The following DENND5B variants were observed in gnomAD, a reference collection of about 807,000 sequenced individuals.
DENND5B encodes DENN domain-containing protein 5B.
In DENND5B, 34 loss-of-function variants were observed where a neutral mutation model predicts 140.6. The ratio of observed to expected loss-of-function variants is 0.24; its 90% CI spans 0.18 to 0.32. DENND5B has a LOEUF of 0.32. Among genes scored for constraint, DENND5B ranks in the 10% least tolerant of loss-of-function variants. DENND5B has a pLI of 1.00. For missense variants in DENND5B, 1,142 were observed against 1,560.2 expected (o/e 0.73, Z 4.52); for synonymous variants, 551 against 562.1 (o/e 0.98, Z 0.28).
intron 4 of DENND5B, among the ~76,000 whole-genome samples, chr12:31,459,693 C>T (rs2617191): frequency 0.82 from 125,300 of 152,194 alleles, 52,264 homozygotes; most frequent in African/African-American, 0.96. Context: ...CCAAGCCAAG[C>T]TGACATTTAG....
chr12:31,584,759 T>G (rs1167629481), intron 1 of DENND5B, among the ~76,000 whole-genome samples: 1 of 151,974 alleles, frequency 6.6e-6, no homozygotes, highest in African/African-American at 2.4e-5. Flanking sequence ...CCAAGGAGAT[T>G]GAGGCTGCAA....
chr12:31,485,701 A>G (rs985898675), intron 2 of DENND5B, among the ~76,000 whole-genome samples: 1 of 150,082 alleles, frequency 6.7e-6, no homozygotes, highest in Non-Finnish European at 1.5e-5. Context: ...GTGACTTTTG[A>G]GCAGAGGCTA....
chr12:31,392,748 A>G (rs7975761), intron 17 of DENND5B, 52 bp from the exon 18 acceptor site: 805,666 of 1,495,412 alleles, frequency 0.54, 221,907 homozygotes, highest in East Asian at 0.85. Flanking sequence ...AATAAACCAA[A>G]GTACTATGGG....
chr12:31,402,450 A>G (rs764595828), intron 15 of DENND5B, 48 bp downstream of exon 15: 3 of 1,562,860 alleles, frequency 1.9e-6, no homozygotes, highest in African/African-American at 1.4e-5. Flanking sequence ...ATCATCTGTA[A>G]AACTACACGT....
chr12:31,576,505 GAAAGAAAAGAAA>G (rs1950023929), intron 1 of DENND5B, among the ~76,000 whole-genome samples: 1 of 151,402 alleles, frequency 6.6e-6, no homozygotes, highest in Non-Finnish European at 1.5e-5. Context: ...AGAAAAGAGA[GAAAGAAAAGAAA>G]AAAGAAAAAA....
At chr12:31,509,604 T>C (rs964466487) in intron 1 of DENND5B, among the ~76,000 whole-genome samples, 12 of 152,228 alleles carry the variant, frequency 7.9e-5, no homozygotes, top group African/African-American at 1.2e-4. Context: ...AATTTTGAGA[T>C]AGTTTATTAT....
intron 20 of DENND5B, among the ~76,000 whole-genome samples, chr12:31,388,268 G>T (rs1478489891): frequency 6.8e-6 from 1 of 147,998 alleles, no homozygotes; most frequent in Non-Finnish European, 1.5e-5. Flanking sequence ...AACATAACAG[G>T]GTGAGGAACA....
chr12:31,389,335 G>A lies in DENND5B; in HGVS notation c.3630C>T (p.Cys1210=), dbSNP rs1321576392. 1 of 1,612,200 alleles carries A rather than the reference G, an allele frequency of 6.2e-7. No homozygotes were observed. The highest frequency in any genetic ancestry group is 1.1e-5 in the South Asian group (1 of 90,374). The change falls in exon 20 of 21, where the codon TGC becomes TGT. Residue 1210 remains cysteine (C), a synonymous_variant. Transcript: ENST00000389082. ...GKDGKFQILV[C]LGTRDRLLPQ... ...AACTGGTTTTGTACCTTGTTCCAAG[G>A]CAAACTAAAATCTGGAATTTGCCAT...
At chr12:31,484,683 C>T (rs1260932978) in intron 2 of DENND5B, among the ~76,000 whole-genome samples, 1 of 152,010 alleles carries the variant, frequency 6.6e-6, no homozygotes, top group Non-Finnish European at 1.5e-5. Context: ...CACCTGTAGA[C>T]CCAGCTACTC....
chr12:31,448,839 G>T (rs111358212), intron 5 of DENND5B, among the ~76,000 whole-genome samples: 1 of 147,300 alleles, frequency 6.8e-6, no homozygotes. Context: ...TAGTGAAACC[G>T]CATTTCCAAA....
chr12:31,493,724 G>A (rs1032421331), intron 2 of DENND5B, among the ~76,000 whole-genome samples: 8 of 152,124 alleles, frequency 5.3e-5, no homozygotes, highest in African/African-American at 1.4e-4. Context: ...TCAGCTACTC[G>A]GGAGGCTGAG....
At chr12:31,588,979 G>A (rs188248766) in intron 1 of DENND5B, among the ~76,000 whole-genome samples, 49 of 152,270 alleles carry the variant, frequency 3.2e-4, no homozygotes, top group African/African-American at 9.6e-4. Flanking sequence ...ATCATAGTTT[G>A]TTTCTTAAAA....
At chr12:31,478,147 GACA>G (rs1171684019) in intron 3 of DENND5B, among the ~76,000 whole-genome samples, 1 of 152,078 alleles carries the variant, frequency 6.6e-6, no homozygotes, top group Non-Finnish European at 1.5e-5. Flanking sequence ...ATAACTTCCT[GACA>G]ACAAAAATTG....
At chr12:31,493,644 ATATGGTGAAACCCTGTCTC>A in intron 2 of DENND5B, among the ~76,000 whole-genome samples, 1 of 152,276 alleles carries the variant, frequency 6.6e-6, no homozygotes, top group East Asian at 1.9e-4. Context: ...AGCCTGGCCA[ATATGGTGAAACCCTGTCTC>A]TACTAAAAAT....
intron 1 of DENND5B, among the ~76,000 whole-genome samples, chr12:31,518,511 A>G (rs931606930): frequency 6.6e-6 from 1 of 152,118 alleles, no homozygotes; most frequent in African/African-American, 2.4e-5. Context: ...CACATACTCA[A>G]TAAAAATGGG....
At chr12:31,467,626 AAAAC>A (rs954002382) in intron 3 of DENND5B, among the ~76,000 whole-genome samples, 1 of 152,148 alleles carries the variant, frequency 6.6e-6, no homozygotes, top group African/African-American at 2.4e-5. Context: ...ATTTCAAAGA[AAAAC>A]AAAATAAGGT....
chr12:31,557,230 G>A (rs1275713601), intron 1 of DENND5B, among the ~76,000 whole-genome samples: 1 of 152,118 alleles, frequency 6.6e-6, no homozygotes, highest in Non-Finnish European at 1.5e-5. Context: ...AGAGAGTAGA[G>A]AGACATAATG....
At chr12:31,490,703 A>G (rs1186500309) in intron 2 of DENND5B, among the ~76,000 whole-genome samples, 1 of 152,188 alleles carries the variant, frequency 6.6e-6, no homozygotes, top group Non-Finnish European at 1.5e-5. Flanking sequence ...TATGAATGTA[A>G]TTTGGGATTA....
intron 4 of DENND5B, among the ~76,000 whole-genome samples, chr12:31,454,735 G>A (rs373405342): frequency 2.6e-5 from 4 of 151,026 alleles, no homozygotes; most frequent in Admixed American, 2.0e-4. Context: ...GAGCCACTGC[G>A]CCTGGCCGGC....
Sources: allele counts gnomAD v4.1 joint callset (sites outside exome capture counted in the v4.1 genomes callset), GRCh38; gene constraint gnomAD v4.1.1; transcripts MANE v1.5; gene names NCBI Gene and HGNC (gene_info 2026-07-23, HGNC 2026-07-21).